TJP3: variants seen among roughly 807,000 people sequenced by gnomAD.
The protein encoded by TJP3 is tight junction protein 3.
In TJP3, 85 loss-of-function variants were observed where a neutral mutation model predicts 104.2. The ratio of observed to expected loss-of-function variants is 0.82; its 90% CI spans 0.68 to 0.98. The LOEUF is 0.98. TJP3 is among the 50% of genes least tolerant of loss of function. The probability of loss-of-function intolerance (pLI) is 0.00; values close to 1 mark genes in which losing one functional copy is unlikely to be tolerated. For synonymous variants in TJP3, 550 were observed against 550.6 expected, an observed-to-expected ratio of 1.00 and a Z score of 0.02; for missense variants, 1,367 against 1,322.8, an observed-to-expected ratio of 1.03 and a Z score of -0.52.
chr19:3,728,819 G>C (rs559160742), intron 3 of TJP3, 106 bp downstream of exon 3: 5 of 1,185,226 alleles, frequency 4.2e-6, no homozygotes, highest in East Asian at 2.4e-5. Flanking sequence ...TTGCGAGGCT[G>C]AAGTGGGCGG....
chr19:3,738,994 C>T lies in TJP3; in HGVS notation c.1491C>T (p.Thr497=). ...GTCCACCGTCTGGCCTGGGCTTCAC[C>T]CGTGGCGACGTCTTCCACGTGCTGG... ...EPSPPSGLGF[T]RGDVFHVLDT... Residue 497 remains threonine (T), a synonymous_variant, in exon 13 of 21, where the codon ACC becomes ACT. Transcript: ENST00000541714. 6.2e-7 allele frequency: 1 copy of T among 1,613,246 alleles called. No individual in the cohort carries two copies. The highest frequency in any genetic ancestry group is 8.5e-7 in the Non-Finnish European group (1 of 1,179,884).
intron 19 of TJP3, 143 bp downstream of exon 19, chr19:3,748,224 C>A: frequency 9.2e-7 from 1 of 1,088,332 alleles, no homozygotes; most frequent in Non-Finnish European, 1.3e-6. Flanking sequence ...GGGACTCAGA[C>A]CTGGGGTAGC....
At chr19:3,724,871 C>A (rs1018448904) in intron 1 of TJP3, among the ~76,000 whole-genome samples, 1 of 149,596 alleles carries the variant, frequency 6.7e-6, no homozygotes, top group Admixed American at 6.6e-5. Flanking sequence ...AGTATAACAT[C>A]AAAGCAGGTT....
At chr19:3,740,019 G>A (rs1265199449) in intron 13 of TJP3, among the ~76,000 whole-genome samples, 1 of 152,010 alleles carries the variant, frequency 6.6e-6, no homozygotes, top group Non-Finnish European at 1.5e-5. Context: ...AGATCACGAG[G>A]TCAAGAGATT....
intron 1 of TJP3, among the ~76,000 whole-genome samples, chr19:3,714,144 G>A (rs1408970165): frequency 1.3e-5 from 2 of 151,766 alleles, no homozygotes; most frequent in Non-Finnish European, 2.9e-5. Flanking sequence ...TCTGCCTCCC[G>A]GTTCAAGAGA....
At chr19:3,721,364 A>G (rs867678443) in intron 1 of TJP3, among the ~76,000 whole-genome samples, 2 of 152,140 alleles carry the variant, frequency 1.3e-5, no homozygotes, top group Admixed American at 6.5e-5. Context: ...CCTTCCAGAG[A>G]TAAGGTGACC....
At chr19:3,733,689 T>A in intron 6 of TJP3, 64 bp from the exon 7 acceptor site, 1 of 1,592,838 alleles carries the variant, frequency 6.3e-7, no homozygotes, top group Non-Finnish European at 8.6e-7. Flanking sequence ...CACACCAGGC[T>A]GTTTCTACTG....
In TJP3 at chr19:3,736,340, G is replaced by C. The variant is rs1185579563; in HGVS notation, c.1284+19G>C. ...TCTGCAGGTGCTCCGGGGGCGGCTGGCCAGCCCCACTGATCATGGGCGTGC... is the reference window on the plus strand; with the variant it reads ...TCTGCAGGTGCTCCGGGGGCGGCTGCCCAGCCCCACTGATCATGGGCGTGC... On this transcript the variant is annotated intron_variant, in intron 11 of 20. Coordinates refer to ENST00000541714, the MANE Select transcript of TJP3 (RefSeq NM_001267560.2). 1.3e-6 allele frequency: 2 copies of C among 1,514,074 alleles called. No individual in the cohort carries two copies. The highest frequency in any genetic ancestry group is 8.8e-7 in the Non-Finnish European group (1 of 1,132,960). The allele number at this position is 1,514,074 out of a possible 1,614,324, so 93.8% of individuals were successfully genotyped here. A position where few individuals can be genotyped will look rare whatever the true frequency, so the allele number is the denominator to read the frequency against.
intron 1 of TJP3, among the ~76,000 whole-genome samples, chr19:3,712,274 C>T (rs2036441083): frequency 6.6e-6 from 1 of 152,198 alleles, no homozygotes; most frequent in African/African-American, 2.4e-5. Context: ...CGGGATCGCA[C>T]CACTGCACTC....
Position 3,746,852 on chromosome 19 carries a change from G to C in TJP3, c.2298G>C (p.Arg766=). The change falls in exon 18 of 21, where the codon CGG becomes CGC. Residue 766 remains arginine (R), a synonymous_variant. Coordinates refer to ENST00000541714, the MANE Select transcript of TJP3 (RefSeq NM_001267560.2). The surrounding 1 kb of genome is among the most constrained non-coding windows in gnomAD (Gnocchi z 4.1). ...CCATCATTCGAGAGCAGCAGACGCG[G>C]CCCATCTGGACGGCGGAAGATCAGG... ...LKAIIREQQT[R]PIWTAEDQLD... 1.2e-6 allele frequency: 2 copies of C among 1,603,466 alleles called. No homozygotes were observed. Among genetic ancestry groups the C allele is most frequent in the South Asian group, 2.2e-5 (2 of 90,134 alleles).
intron 11 of TJP3, 95 bp downstream of exon 11, chr19:3,736,416 C>A: frequency 7.7e-7 from 1 of 1,303,964 alleles, no homozygotes; most frequent in Non-Finnish European, 1.0e-6. Flanking sequence ...TTGGGTCCAC[C>A]TGGGGACTGT....
At chr19:3,719,221 A>C (rs1158038374) in intron 1 of TJP3, among the ~76,000 whole-genome samples, 1 of 148,968 alleles carries the variant, frequency 6.7e-6, no homozygotes, top group African/African-American at 2.4e-5. Context: ...ATCATCTAAA[A>C]TGATTTTTTG....
At chr19:3,723,973 C>CCAGATTCAGGGGACAGATGGA (rs1432247426) in intron 1 of TJP3, among the ~76,000 whole-genome samples, 4 of 151,868 alleles carry the variant, frequency 2.6e-5, no homozygotes, top group Non-Finnish European at 5.9e-5. Context: ...GAAACATGTC[C>CCAGATTCAGGGGACAGATGGA]CAGATTCAGG....
chr19:3,747,710 C>T lies in TJP3; in HGVS notation c.2323-84C>T, dbSNP rs1281835456. 14 of 1,430,838 alleles carry T rather than the reference C, an allele frequency of 9.8e-6. 1 individual carries two copies. Among genetic ancestry groups the T allele is most frequent in the Non-Finnish European group, 1.2e-5 (13 of 1,090,204 alleles). The allele number at this position is 1,430,838 out of a possible 1,614,324, so 88.6% of individuals were successfully genotyped here. A position where few individuals can be genotyped will look rare whatever the true frequency, so the allele number is the denominator to read the frequency against. On this transcript the variant is annotated intron_variant, in intron 18 of 20. Coordinates refer to ENST00000541714, the MANE Select transcript of TJP3 (RefSeq NM_001267560.2). ...CAGGCTCCTCGCCTTGATTTGGGAC[C>T]AGAGTTTGAAGGTGGGGGGATGTCG...
chr19:3,734,507 C>A, intron 8 of TJP3, 72 bp downstream of exon 8: 3 of 1,370,598 alleles, frequency 2.2e-6, no homozygotes, highest in Non-Finnish European at 3.0e-6. Flanking sequence ...GGAACGCGGG[C>A]GTAGCTTTCC....
intron 11 of TJP3, among the ~76,000 whole-genome samples, chr19:3,737,347 T>C (rs1409251846): frequency 6.6e-6 from 1 of 152,116 alleles, no homozygotes; most frequent in Non-Finnish European, 1.5e-5. Flanking sequence ...TGACATTGGC[T>C]GTGTTGACCG....
chr19:3,722,853 T>G (rs1346510681), intron 1 of TJP3, among the ~76,000 whole-genome samples: 3 of 1,930 alleles, frequency 1.6e-3, no homozygotes, highest in Non-Finnish European at 2.1e-3. Context: ...GGAGATGGGG[T>G]GGCGGGGGGG....
In TJP3 at chr19:3,746,528, G is replaced by C; in HGVS notation, c.2054G>C (p.Arg685Pro). 6.2e-7 allele frequency: 1 copy of C among 1,613,980 alleles called. No individual in the cohort carries two copies. The highest frequency in any genetic ancestry group is 1.3e-5 in the African/African-American group (1 of 75,024). Residue 685 changes from arginine to proline, a missense_variant, in exon 17 of 21, where the codon CGC (arginine) becomes CCC (proline). By Grantham distance (103) the Arg-to-Pro change is moderately radical. Coordinates refer to ENST00000541714, the MANE Select transcript of TJP3 (RefSeq NM_001267560.2). The surrounding 1 kb of genome is among the most constrained non-coding windows in gnomAD (Gnocchi z 4.1). ...GATGTGACCCCCTCCGCCATCGAGC[G>C]CCTCAACTATGTGCAGTACTACCCC... ...LLDVTPSAIERLNYVQYYPIV... is the reference protein window; with the variant it reads ...LLDVTPSAIEPLNYVQYYPIV...
At position 3,730,726 on chromosome 19, in the gene TJP3, C is replaced by G. The variant is rs373882308; in HGVS notation, c.613+20C>G. Reference sequence around the variant, plus strand: ...GCGAAGGTCAGAAGAGGCGGGAGGTCGGACACGATCAGTACTGGACACAGG... The same window carrying G: ...GCGAAGGTCAGAAGAGGCGGGAGGTGGGACACGATCAGTACTGGACACAGG... On this transcript the variant is annotated intron_variant, in intron 5 of 20. Transcript: ENST00000541714. This position sits in a 1 kb window ranked among gnomAD's most constrained non-coding sequence, Gnocchi z 7.3. 3 of 1,598,274 alleles carry G rather than the reference C, an allele frequency of 1.9e-6. No individual in the cohort carries two copies. The highest frequency in any genetic ancestry group is 2.2e-5 in the South Asian group (2 of 90,500).
Sources: allele counts gnomAD v4.1 joint callset (sites outside exome capture counted in the v4.1 genomes callset), GRCh38; gene constraint gnomAD v4.1.1; non-coding constraint Gnocchi (gnomAD v3.1); transcripts MANE v1.5; gene names NCBI Gene and HGNC (gene_info 2026-07-23, HGNC 2026-07-21).